The following MRS2 variants were observed in gnomAD, a reference collection of about 807,000 sequenced individuals.
The protein encoded by MRS2 is magnesium transporter MRS2 homolog, mitochondrial.
Under a neutral mutation model 52.6 loss-of-function variants are expected in MRS2, and 40 were observed. That is an observed-to-expected ratio of 0.76 (90% confidence interval 0.59 to 0.99). MRS2 has a LOEUF of 0.99. Ranked by LOEUF, MRS2 falls within the 50% of genes least tolerant of loss-of-function variation. The pLI is 0.00. For synonymous variants in MRS2, 193 were observed against 195.9 expected, an observed-to-expected ratio of 0.98 and a Z score of 0.13; for missense variants, 472 against 532.7, an observed-to-expected ratio of 0.89 and a Z score of 1.12.
rs986843229 is a variant in MRS2, at chr6:24,418,291, T to G, written c.989+55T>G. On this transcript the variant is annotated intron_variant, in intron 8 of 10. Transcript: ENST00000378386. ...TTTTAATAAAATAATTATAAGAAAG[T>G]TTTTAAGGAAATATTTTGTGAGGAA... The G allele has an allele frequency of 4.1e-6, 6 of 1,476,786 alleles. No homozygotes were observed. In the African/African-American group the frequency reaches 8.6e-5, roughly 21 times the overall value. The allele number at this position is 1,476,786 out of a possible 1,614,324, so 91.5% of individuals were successfully genotyped here.
chr6:24,414,142 CTTTTTTT>C (rs200456436), intron 5 of MRS2, among the ~76,000 whole-genome samples: 5 of 144,000 alleles, frequency 3.5e-5, no homozygotes, highest in Non-Finnish European at 7.7e-5. Flanking sequence ...AGGAGAAAGA[CTTTTTTT>C]TTTAAATTTT....
chr6:24,411,921 T>G (rs1761671255), intron 4 of MRS2, among the ~76,000 whole-genome samples: 2 of 150,790 alleles, frequency 1.3e-5, no homozygotes, highest in Admixed American at 6.6e-5. Flanking sequence ...ATATATAATT[T>G]ATGTGAATAA....
Position 24,418,275 on chromosome 6 carries a change from AATAATT to A in MRS2, c.989+44_989+49del, listed in dbSNP as rs755546746. The A allele has an allele frequency of 3.2e-5, 48 of 1,487,854 alleles. 1 individual carries two copies. Among genetic ancestry groups the A allele is most frequent in the African/African-American group, 2.6e-4 (18 of 69,400 alleles). The allele number at this position is 1,487,854 out of a possible 1,614,324, so 92.2% of individuals were successfully genotyped here. The stretch of plus-strand genomic sequence containing the variant: ...ATATAAAACTAAGTTTTTTTAATAA[AATAATT>A]ATAAGAAAGTTTTTAAGGAAATATT... On this transcript the variant is annotated intron_variant, in intron 8 of 10. Transcript: ENST00000378386.
chr6:24,419,734 C>A (rs76208768), intron 9 of MRS2, among the ~76,000 whole-genome samples: 2 of 152,076 alleles, frequency 1.3e-5, no homozygotes, highest in African/African-American at 4.8e-5. Context: ...GTACAGTCAT[C>A]CCTCAGTATC....
intron 10 of MRS2, 77 bp downstream of exon 10, chr6:24,423,127 A>G: frequency 8.5e-7 from 1 of 1,171,068 alleles, no homozygotes; most frequent in Non-Finnish European, 1.2e-6. Context: ...GCCTGGGATT[A>G]AGTTGTCACA....
chr6:24,418,634 C>G, intron 9 of MRS2, 56 bp downstream of exon 9: 1 of 1,338,658 alleles, frequency 7.5e-7, no homozygotes, highest in East Asian at 2.3e-5. Flanking sequence ...CATGGTGGCT[C>G]ATGTCAGTAA....
chr6:24,408,517 G>A, intron 3 of MRS2, 73 bp downstream of exon 3: 1 of 1,072,388 alleles, frequency 9.3e-7, no homozygotes, highest in Non-Finnish European at 1.4e-6. Context: ...AGAAATTGTA[G>A]TATTTTGAGT....
At chr6:24,416,588 T>G in intron 7 of MRS2, 75 bp downstream of exon 7, 2 of 808,002 alleles carry the variant, frequency 2.5e-6, no homozygotes, top group East Asian at 4.9e-5. Flanking sequence ...AAGGTGATTT[T>G]TCATACAGAA....
At chr6:24,417,445 C>T (rs1212324721) in intron 7 of MRS2, among the ~76,000 whole-genome samples, 1 of 152,208 alleles carries the variant, frequency 6.6e-6, no homozygotes, top group African/African-American at 2.4e-5. Context: ...GTGGTATTGG[C>T]TTTGCACTAA....
At chr6:24,406,636 G>A (rs1029215175) in intron 2 of MRS2, among the ~76,000 whole-genome samples, 4 of 152,000 alleles carry the variant, frequency 2.6e-5, no homozygotes, top group East Asian at 3.9e-4. Flanking sequence ...TTAGCCAGGC[G>A]TGGTGGTGCA....
rs1761692157 is a variant in MRS2 at position 24,412,292 on chromosome 6, G to A, written c.485G>A (p.Trp162Ter). Residue 162 changes from tryptophan to a stop codon, truncating the protein, a stop_gained, in exon 5 of 11, where the codon TGG becomes TAG. Coordinates refer to ENST00000378386, the MANE Select transcript of MRS2 (RefSeq NM_020662.4). LOFTEE classifies it high-confidence loss of function. Reference protein sequence around the residue: ...LDYRNLNLEQWLFRELPSQLS... With the variant: ...LDYRNLNLEQ ...TATCGTAATTTAAACTTAGAGCAAT[G>A]GCTGTTCCGGGAACTCCCTTCACAG... The A allele has an allele frequency of 6.2e-7, 1 of 1,605,480 alleles. No homozygotes were observed. Among genetic ancestry groups the A allele is most frequent in the African/African-American group, 1.3e-5 (1 of 74,442 alleles).
At position 24,424,439 on chromosome 6, in the gene MRS2, C is replaced by CCCCTG. The variant is rs10690086; in HGVS notation, c.*754_*758dup. Reference sequence around the variant, plus strand: ...TTTTAAAGTAGATATTTAGATACCACCCCTGCCCTGCCCCAAAAAGAAAAA... The same window carrying CCCCTG: ...TTTTAAAGTAGATATTTAGATACCACCCCTGCCCTGCCCTGCCCCAAAAAGAAAAA... On this transcript the variant is annotated 3_prime_UTR_variant, in exon 11 of 11. Transcript: ENST00000378386. 0.26 allele frequency: 38,815 copies of CCCCTG among 146,962 alleles called. 5,816 individuals carry two copies. The highest frequency in any genetic ancestry group is 0.62 in the East Asian group (3,072 of 4,976). 9.1% of individuals were successfully genotyped at this position (146,962 alleles called of 1,614,324 possible).
At chr6:24,417,932 C>T (rs1318536179) in intron 7 of MRS2, 152 bp from the exon 8 acceptor site, 2 of 589,998 alleles carry the variant, frequency 3.4e-6, no homozygotes, top group Admixed American at 3.8e-5. Flanking sequence ...CAGAGTGAAA[C>T]TCCATCTCAA....
rs552191326 is a variant in MRS2 at position 24,423,516 on chromosome 6, A to G, written c.1222-68A>G. 7.2e-5 allele frequency: 60 copies of G among 835,074 alleles called. No individual in the cohort carries two copies. The South Asian group carries it at 8.9e-4, about 12-fold the overall frequency. The allele number at this position is 835,074 out of a possible 1,614,324, so 51.7% of individuals were successfully genotyped here. ...CCTTTCTTCACTGAGTAGTTACATA[A>G]TACATCATTTTACTAGTGGCTTTTC... On this transcript the variant is annotated intron_variant, in intron 10 of 10. Transcript: ENST00000378386.
Position 24,410,712 on chromosome 6 carries a change from T to G in MRS2, c.414+1139T>G. 3 of 1,514,400 alleles carry G rather than the reference T, an allele frequency of 2.0e-6. No homozygotes were observed. The South Asian group carries it at 3.7e-5, about 19-fold the overall frequency. The allele number at this position is 1,514,400 out of a possible 1,614,324, so 93.8% of individuals were successfully genotyped here. A position where few individuals can be genotyped will look rare whatever the true frequency, so the allele number is the denominator to read the frequency against. On this transcript the variant is annotated intron_variant, in intron 4 of 10. Transcript: ENST00000378386. ...TCAAAAATGAAGCAGTCTTCTCCCATGTGATTTTCTTCAGAAATATTCTCT... is the reference window on the plus strand; with the variant it reads ...TCAAAAATGAAGCAGTCTTCTCCCAGGTGATTTTCTTCAGAAATATTCTCT...
intron 3 of MRS2, among the ~76,000 whole-genome samples, 191 bp from the exon 4 acceptor site, chr6:24,409,270 T>G (rs114272893): frequency 0.02 from 3,046 of 152,238 alleles, 33 homozygotes; most frequent in Non-Finnish European, 0.03. Flanking sequence ...GATAAGAAAA[T>G]CATTAGTTTG....
chr6:24,412,132 T>TA (rs1182332652), intron 4 of MRS2, 90 bp from the exon 5 acceptor site: 1 of 636,942 alleles, frequency 1.6e-6, no homozygotes, highest in Non-Finnish European at 2.3e-6. Flanking sequence ...TTTGCATATA[T>TA]ATATGTATGT....
intron 5 of MRS2, among the ~76,000 whole-genome samples, chr6:24,414,070 T>C (rs1464539997): frequency 6.6e-6 from 1 of 152,234 alleles, no homozygotes; most frequent in African/African-American, 2.4e-5. Flanking sequence ...TGAAAGCTTG[T>C]GTTTTAATAA....
chr6:24,416,393 A>T lies in MRS2; in HGVS notation c.720-4A>T. ...GATCATTTTTGTGTATCTATTTCTT[A>T]TAGTCTATCAGAGTTAGAAACAGAT... On this transcript the variant is annotated splice_polypyrimidine_tract_variant and splice_region_variant and intron_variant, in intron 6 of 10. Coordinates refer to ENST00000378386, the MANE Select transcript of MRS2 (RefSeq NM_020662.4). The T allele has an allele frequency of 8.7e-7, 1 of 1,153,144 alleles. No individual in the cohort carries two copies. The highest frequency in any genetic ancestry group is 1.3e-6 in the Non-Finnish European group (1 of 769,614). 71.4% of individuals were successfully genotyped at this position (1,153,144 alleles called of 1,614,324 possible).
Sources: gnomAD v4.1 joint callset for allele counts (sites outside exome capture counted in the v4.1 genomes callset) on GRCh38, gnomAD v4.1.1 for gene constraint, MANE v1.5 for transcripts, NCBI Gene and HGNC (gene_info 2026-07-23, HGNC 2026-07-21) for gene names.